The following MTOR variants were observed in gnomAD, a reference collection of about 807,000 sequenced individuals.
MTOR encodes the protein serine/threonine-protein kinase mTOR.
A neutral mutation model predicts 319.8 loss-of-function variants in MTOR; 70 were observed. That is an observed-to-expected ratio of 0.22 (90% CI 0.18 to 0.27). The LOEUF (loss-of-function observed/expected upper bound fraction) is 0.27. MTOR is among the 10% of genes least tolerant of loss of function. MTOR has a pLI of 1.00. For missense variants in MTOR, 1,890 were observed against 3,274.4 expected (o/e 0.58, Z 10.32); for synonymous variants, 1,183 against 1,211.4 (o/e 0.98, Z 0.49).
intron 16 of MTOR, among the ~76,000 whole-genome samples, chr1:11,232,076 G>T (rs1647036578): frequency 6.6e-6 from 1 of 152,156 alleles, no homozygotes; most frequent in Admixed American, 6.5e-5. Context: ...AATTGGGAAA[G>T]CAGAACCAGG....
At chr1:11,116,709 T>G (rs1289393466) in intron 50 of MTOR, among the ~76,000 whole-genome samples, 1 of 152,130 alleles carries the variant, frequency 6.6e-6, no homozygotes, top group South Asian at 2.1e-4. Flanking sequence ...ATTGCCCAAG[T>G]TGGTCTCATA....
intron 49 of MTOR, among the ~76,000 whole-genome samples, chr1:11,119,469 G>A (rs1351415915): frequency 6.6e-6 from 1 of 151,464 alleles, no homozygotes; most frequent in African/African-American, 2.4e-5. Flanking sequence ...TACTTGGGAG[G>A]CTGAGGCAGA....
At chr1:11,167,149 A>G (rs1016345965) in intron 29 of MTOR, among the ~76,000 whole-genome samples, 2 of 152,092 alleles carry the variant, frequency 1.3e-5, no homozygotes, top group African/African-American at 4.8e-5. Context: ...AATGTAAATG[A>G]CGAGTTAATG....
In MTOR at chr1:11,128,314, G is replaced by A. The variant is rs554155489; in HGVS notation, c.5910+140C>T. On this transcript the variant is annotated intron_variant, in intron 42 of 57. Coordinates refer to ENST00000361445, the MANE Select transcript of MTOR (RefSeq NM_004958.4). This position sits in a 1 kb window ranked among gnomAD's most constrained non-coding sequence, Gnocchi z 5.3. The stretch of plus-strand genomic sequence containing the variant: ...GCAAGGCTCCCGGGCCCTCTGGGAC[G>A]GCTGGCTGGACAGACCCTCCTGGGC... 12 of 1,219,516 alleles carry A rather than the reference G, an allele frequency of 9.8e-6. No individual in the cohort carries two copies. The highest frequency in any genetic ancestry group is 1.5e-5 in the African/African-American group (1 of 66,382). 75.5% of individuals were successfully genotyped at this position (1,219,516 alleles called of 1,614,324 possible). A position where few individuals can be genotyped will look rare whatever the true frequency, so the allele number is the denominator to read the frequency against.
At chr1:11,170,533 C>T (rs111634483) in intron 28 of MTOR, among the ~76,000 whole-genome samples, 13,622 of 151,560 alleles carry the variant, frequency 0.09, 1,070 homozygotes, top group South Asian at 0.2. Context: ...CTGGGCAACA[C>T]AGTGAGACCC....
At chr1:11,237,540 C>G (rs1261208369) in intron 13 of MTOR, among the ~76,000 whole-genome samples, 2 of 151,788 alleles carry the variant, frequency 1.3e-5, no homozygotes, top group African/African-American at 2.4e-5. Context: ...GCAGATCAAC[C>G]CAGCAAGCAA....
At chr1:11,202,563 T>C (rs1211404190) in intron 26 of MTOR, among the ~76,000 whole-genome samples, 1 of 151,598 alleles carries the variant, frequency 6.6e-6, no homozygotes. Context: ...TTCACCACTA[T>C]GCAACATATC....
rs763310387 is a variant in MTOR, at chr1:11,139,591, T to G, written c.4940A>C (p.His1647Pro). ...CTTGAGCCAGGTTCTCATGTCTTCATGAGGGCTGACCACAAGGGACCGCAC... is the reference window on the plus strand; with the variant it reads ...CTTGAGCCAGGTTCTCATGTCTTCAGGAGGGCTGACCACAAGGGACCGCAC... ...LMVRSLVVSP[H>P]EDMRTWLKYA... is the part of the protein sequence containing the mutation. Residue 1647 changes from histidine to proline, a missense_variant, in exon 35 of 58, where the codon CAT becomes CCT. Coordinates refer to ENST00000361445, the MANE Select transcript of MTOR (RefSeq NM_004958.4). 1.2e-6 allele frequency: 2 copies of G among 1,614,214 alleles called. No individual in the cohort carries two copies. Among genetic ancestry groups the G allele is most frequent in the East Asian group, 2.2e-5 (1 of 44,884 alleles).
Position 11,212,880 on chromosome 1 carries a change from G to A in MTOR, c.3314C>T (p.Ala1105Val). 6.2e-7 allele frequency: 1 copy of A among 1,614,074 alleles called. No homozygotes were observed. Among genetic ancestry groups the A allele is most frequent in the Non-Finnish European group, 8.5e-7 (1 of 1,179,972 alleles). The stretch of plus-strand genomic sequence containing the variant: ...TAAATGCAGGTAGTCATCCAGGTTG[G>A]CGCCAAACAGCTGGATTGCAGCCAG... ...KLLAAIQLFG[A>V]NLDDYLHLLL... Residue 1105 changes from alanine (A) to valine (V), a missense_variant, in exon 22 of 58, where the codon GCC becomes GTC. By Grantham distance (64) the Ala-to-Val change is moderately conservative. This residue lies in a region of MTOR where 377 missense variants were observed against 653.9 expected (regional missense o/e 0.58). Coordinates refer to ENST00000361445, the MANE Select transcript of MTOR (RefSeq NM_004958.4). This position sits in a 1 kb window ranked among gnomAD's most constrained non-coding sequence, Gnocchi z 4.1.
chr1:11,170,943 C>T (rs1571059703), intron 28 of MTOR, among the ~76,000 whole-genome samples: 1 of 151,518 alleles, frequency 6.6e-6, no homozygotes, highest in Admixed American at 6.6e-5. Context: ...CTCTAAGAAA[C>T]GACATAAAAA....
At position 11,127,598 on chromosome 1, in the gene MTOR, G is replaced by A. The variant is rs374848604; in HGVS notation, c.6216+26C>T. ...TGGCAGAATATTTCTACAGGGTTAT[G>A]TCCTTTCGTGTTTTTTACCCCATAC... On this transcript the variant is annotated intron_variant, in intron 44 of 57. Coordinates refer to ENST00000361445, the MANE Select transcript of MTOR (RefSeq NM_004958.4). The surrounding 1 kb of genome is among the most constrained non-coding windows in gnomAD (Gnocchi z 5.5). 2 of 1,582,004 alleles carry A rather than the reference G, an allele frequency of 1.3e-6. No homozygotes were observed. Among genetic ancestry groups the A allele is most frequent in the Non-Finnish European group, 1.7e-6 (2 of 1,166,414 alleles).
intron 19 of MTOR, among the ~76,000 whole-genome samples, chr1:11,219,735 G>A (rs1173559160): frequency 6.6e-6 from 1 of 151,936 alleles, no homozygotes; most frequent in Non-Finnish European, 1.5e-5. Context: ...AAAAAAAGTG[G>A]GAATAAGGCT....
intron 28 of MTOR, among the ~76,000 whole-genome samples, chr1:11,185,413 C>CAA (rs35733842): frequency 1.9e-5 from 2 of 105,460 alleles, no homozygotes; most frequent in African/African-American, 3.0e-5. Context: ...CCCATCACTA[C>CAA]AAAAAAAAAA....
At chr1:11,233,735 A>G (rs11121703) in intron 14 of MTOR, among the ~76,000 whole-genome samples, 1 of 152,006 alleles carries the variant, frequency 6.6e-6, no homozygotes, top group African/African-American at 2.4e-5. Flanking sequence ...CTCTAAACCG[A>G]GTCTCAGTGA....
At chr1:11,108,417 G>T in intron 56 of MTOR, 131 bp from the exon 57 acceptor site, 1 of 768,216 alleles carries the variant, frequency 1.3e-6, no homozygotes, top group Non-Finnish European at 2.1e-6. Context: ...CATCATAGTT[G>T]GATTTGAAAA....
intron 28 of MTOR, chr1:11,189,517 C>CCT (rs1250068247): frequency 6.6e-7 from 1 of 1,520,544 alleles, no homozygotes; most frequent in African/African-American, 1.4e-5. Context: ...GCTTTGCAGA[C>CCT]CTCAGCTGGG....
chr1:11,251,541 G>A (rs975826320), intron 6 of MTOR, among the ~76,000 whole-genome samples: 1 of 152,080 alleles, frequency 6.6e-6, no homozygotes. Context: ...TTCACTGCTG[G>A]ATTATTCTAG....
rs146168526 is a variant in MTOR, at chr1:11,204,242, C to G, written c.3944+319G>C. On this transcript the variant is annotated intron_variant, in intron 26 of 57. Transcript: ENST00000361445. Reference sequence around the variant, plus strand: ...TTTTTCCTGTGGTATTTGTAACAAACAGCAATAATTAGAATACCATTGTTA... The same window carrying G: ...TTTTTCCTGTGGTATTTGTAACAAAGAGCAATAATTAGAATACCATTGTTA... Among the ~76,000 whole-genome samples, 1,121 of 152,154 alleles carry G rather than the reference C, an allele frequency of 7.4e-3. 13 individuals are homozygous for G. Among genetic ancestry groups the G allele is most frequent in the Non-Finnish European group, 6.6e-3 (450 of 68,004 alleles).
intron 29 of MTOR, among the ~76,000 whole-genome samples, chr1:11,162,352 A>G (rs1644504291): frequency 2.0e-5 from 3 of 152,380 alleles, no homozygotes; most frequent in African/African-American, 7.2e-5. Flanking sequence ...CAAGTTGGAA[A>G]ACACTCTTCA....
Sources: gnomAD v4.1 joint callset for allele counts (sites outside exome capture counted in the v4.1 genomes callset) on GRCh38, gnomAD v4.1.1 for gene constraint, gnomAD v4.1.1 regional missense constraint, Gnocchi (gnomAD v3.1) non-coding constraint, MANE v1.5 for transcripts, NCBI Gene and HGNC (gene_info 2026-07-23, HGNC 2026-07-21) for gene names.